Variants in NBEA observed in about 807,000 individuals in gnomAD.
The protein encoded by NBEA is neurobeachin, also known as lysosomal-trafficking regulator 2.
In NBEA, 44 loss-of-function variants were observed where a neutral mutation model predicts 343.4. The observed-to-expected ratio is 0.13, with a 90% CI of 0.10 to 0.16. The LOEUF (loss-of-function observed/expected upper bound fraction) is 0.16, where lower values mean the gene tolerates loss of function less well. NBEA is among the 10% of genes least tolerant of loss of function. NBEA has a pLI of 1.00. For synonymous variants in NBEA, 1,175 were observed against 1,238.7 expected (o/e 0.95, Z 1.08); for missense variants, 2,555 against 3,631.3 (o/e 0.70, Z 7.62).
intron 11 of NBEA, among the ~76,000 whole-genome samples, chr13:35,099,638 T>C (rs2065535191): frequency 6.6e-6 from 1 of 152,146 alleles, no homozygotes; most frequent in Non-Finnish European, 1.5e-5. Context: ...ATAGAAACAT[T>C]ATTTTGTGCT....
chr13:35,451,392 G>A (rs1268031601), intron 39 of NBEA, among the ~76,000 whole-genome samples: 1 of 152,176 alleles, frequency 6.6e-6, no homozygotes, highest in Non-Finnish European at 1.5e-5. Context: ...AAAGTGCTGG[G>A]ATTACAGGCG....
At chr13:35,424,230 T>A (rs1360437202) in intron 38 of NBEA, among the ~76,000 whole-genome samples, 2 of 152,166 alleles carry the variant, frequency 1.3e-5, no homozygotes, top group African/African-American at 4.8e-5. Context: ...CTTGTGCCAG[T>A]TTTCAAAGGG....
At chr13:35,011,798 T>A (rs1172742687) in intron 1 of NBEA, among the ~76,000 whole-genome samples, 2 of 152,202 alleles carry the variant, frequency 1.3e-5, no homozygotes, top group South Asian at 4.1e-4. Flanking sequence ...TTACTTAAGC[T>A]TAATTACTCA....
intron 38 of NBEA, among the ~76,000 whole-genome samples, chr13:35,394,574 C>T (rs555124063): frequency 4.0e-5 from 6 of 151,776 alleles, no homozygotes; most frequent in Non-Finnish European, 5.9e-5. Flanking sequence ...TGAGCAAACT[C>T]GCTGGAAAAA....
intron 38 of NBEA, among the ~76,000 whole-genome samples, chr13:35,377,297 A>G (rs2041797329): frequency 6.6e-6 from 1 of 152,144 alleles, no homozygotes; most frequent in Non-Finnish European, 1.5e-5. Flanking sequence ...GCTAATTTGA[A>G]CACTGTCTAG....
intron 41 of NBEA, among the ~76,000 whole-genome samples, chr13:35,527,226 C>T (rs986130969): frequency 1.2e-4 from 18 of 152,102 alleles, no homozygotes; most frequent in African/African-American, 4.3e-4. Flanking sequence ...GTGATTGGTC[C>T]ATGGGTGAAC....
At chr13:35,202,273 T>C (rs972894212) in intron 31 of NBEA, among the ~76,000 whole-genome samples, 1 of 152,180 alleles carries the variant, frequency 6.6e-6, no homozygotes, top group Non-Finnish European at 1.5e-5. Flanking sequence ...TATTGAAATA[T>C]ATTGCATGGT....
At chr13:35,321,948 C>T (rs1037276478) in intron 36 of NBEA, among the ~76,000 whole-genome samples, 2 of 152,160 alleles carry the variant, frequency 1.3e-5, no homozygotes, top group Non-Finnish European at 2.9e-5. Context: ...CCCCTCCCTC[C>T]ACCAAGCTAG....
chr13:35,148,434 C>A (rs1006369690), intron 18 of NBEA, among the ~76,000 whole-genome samples: 1 of 152,082 alleles, frequency 6.6e-6, no homozygotes, highest in African/African-American at 2.4e-5. Context: ...AGTTTGTTGA[C>A]CACTGCTCTA....
chr13:35,498,936 G>C (rs1388304213), intron 41 of NBEA, among the ~76,000 whole-genome samples: 1 of 152,052 alleles, frequency 6.6e-6, no homozygotes, highest in Non-Finnish European at 1.5e-5. Context: ...TGGTGGTGCT[G>C]TTTAAAGAAA....
intron 35 of NBEA, among the ~76,000 whole-genome samples, chr13:35,307,256 G>A (rs905659320): frequency 6.6e-6 from 1 of 151,816 alleles, no homozygotes; most frequent in Non-Finnish European, 1.5e-5. Flanking sequence ...TTGTGGAAAG[G>A]CGTGTAACAA....
intron 41 of NBEA, among the ~76,000 whole-genome samples, chr13:35,503,839 A>G (rs936669844): frequency 6.6e-6 from 1 of 152,122 alleles, no homozygotes. Context: ...CACTGGTTTT[A>G]AAGAATCTAA....
At chr13:35,493,327 G>A (rs555607970) in intron 41 of NBEA, among the ~76,000 whole-genome samples, 9 of 151,890 alleles carry the variant, frequency 5.9e-5, no homozygotes, top group Non-Finnish European at 1.3e-4. Context: ...GATTTGATAA[G>A]CAGTTTTATC....
intron 38 of NBEA, among the ~76,000 whole-genome samples, chr13:35,429,800 CGTGT>C (rs60362511): frequency 7.9e-4 from 111 of 140,248 alleles, no homozygotes; most frequent in South Asian, 3.0e-3. Context: ...GAGTCCCCAA[CGTGT>C]GTGTGTGTGT....
intron 41 of NBEA, among the ~76,000 whole-genome samples, chr13:35,473,444 A>T (rs1002191081): frequency 2.0e-5 from 3 of 152,184 alleles, no homozygotes; most frequent in African/African-American, 7.2e-5. Flanking sequence ...TTAGATATTG[A>T]AATAAAATGT....
At chr13:34,995,863 C>T (rs2060923101) in intron 1 of NBEA, among the ~76,000 whole-genome samples, 1 of 152,206 alleles carries the variant, frequency 6.6e-6, no homozygotes, top group African/African-American at 2.4e-5. Context: ...AGTTTAGTCC[C>T]AGAATATCTG....
At chr13:35,555,713 T>TTAAGCTCCAAAAGC (rs546124095) in intron 44 of NBEA, among the ~76,000 whole-genome samples, 59 of 152,174 alleles carry the variant, frequency 3.9e-4, no homozygotes, top group African/African-American at 1.4e-3. Flanking sequence ...TTTTCTTAAG[T>TTAAGCTCCAAAAGC]TAAGCTCCAA....
intron 1 of NBEA, among the ~76,000 whole-genome samples, chr13:35,001,241 C>A (rs1236782205): frequency 6.6e-6 from 1 of 152,020 alleles, no homozygotes. Flanking sequence ...ATTAATACAA[C>A]CATTATGGAC....
At chr13:35,552,897 T>C (rs977821156) in intron 43 of NBEA, among the ~76,000 whole-genome samples, 1 of 152,118 alleles carries the variant, frequency 6.6e-6, no homozygotes, top group African/African-American at 2.4e-5. Context: ...GATCATTCTT[T>C]TTTTTTTCTT....
Sources: gnomAD v4.1 joint callset for allele counts (sites outside exome capture counted in the v4.1 genomes callset) on GRCh38, gnomAD v4.1.1 for gene constraint, MANE v1.5 for transcripts, NCBI Gene and HGNC (gene_info 2026-07-23, HGNC 2026-07-21) for gene names.